Variants in RALYL observed in about 807,000 individuals in gnomAD.
RALYL encodes the protein RALY RNA binding protein like, also known as RNA-binding Raly-like protein.
A neutral mutation model predicts 35.1 loss-of-function variants in RALYL; 29 were observed. The observed-to-expected ratio is 0.83, with a 90% confidence interval of 0.61 to 1.13. The LOEUF is 1.13. RALYL is among the 50% of genes most tolerant of loss of function. RALYL has a pLI of 0.00. For missense variants in RALYL, 359 were observed against 360.4 expected, an observed-to-expected ratio of 1.00 and a Z score of 0.03; for synonymous variants, 120 against 127.6, an observed-to-expected ratio of 0.94 and a Z score of 0.40.
At chr8:84,501,338 T>G (rs573613133) in intron 1 of RALYL, among the ~76,000 whole-genome samples, 58 of 152,202 alleles carry the variant, frequency 3.8e-4, no homozygotes, top group South Asian at 1.9e-3. Flanking sequence ...CATATCTAAT[T>G]TAACTTTCCA....
Position 84,741,030 on chromosome 8 carries a change from T to A in RALYL, c.257-33549T>A, listed in dbSNP as rs1024870385. ...AAGGCAGGAAGGACAGGATGGAGGG[T>A]TTTTTAATATTGGAGGGCCAGAAGA... On this transcript the variant is annotated intron_variant, in intron 2 of 8. Transcript: ENST00000521268. Among the ~76,000 whole-genome samples, 7 of 149,916 alleles carry A rather than the reference T, an allele frequency of 4.7e-5. No homozygotes were observed. In the South Asian group the frequency reaches 6.4e-4, roughly 14 times the overall value.
chr8:84,676,947 A>C (rs2131901331), intron 2 of RALYL, among the ~76,000 whole-genome samples: 1 of 152,194 alleles, frequency 6.6e-6, no homozygotes, highest in South Asian at 2.1e-4. Context: ...GACTACAGGC[A>C]CATGCCACCA....
intron 1 of RALYL, among the ~76,000 whole-genome samples, chr8:84,222,370 C>T (rs905708069): frequency 6.6e-6 from 1 of 152,074 alleles, no homozygotes; most frequent in Non-Finnish European, 1.5e-5. Flanking sequence ...TGTAGAAATA[C>T]ATATTTAGCA....
At chr8:84,778,131 G>T (rs749986608) in intron 3 of RALYL, among the ~76,000 whole-genome samples, 10 of 152,304 alleles carry the variant, frequency 6.6e-5, no homozygotes, top group Non-Finnish European at 1.5e-4. Flanking sequence ...CGTAATGAAA[G>T]TAAGTTATTT....
chr8:84,569,425 G>A (rs1416021992), intron 2 of RALYL, among the ~76,000 whole-genome samples: 3 of 151,556 alleles, frequency 2.0e-5, no homozygotes, highest in South Asian at 2.1e-4. Flanking sequence ...AGTTTTTAAT[G>A]GGGTTCTTTA....
chr8:84,599,704 C>A (rs1006968753), intron 2 of RALYL, among the ~76,000 whole-genome samples: 1 of 152,004 alleles, frequency 6.6e-6, no homozygotes, highest in Non-Finnish European at 1.5e-5. Flanking sequence ...ATTCTTTTCA[C>A]CCTCTCCCTC....
At chr8:84,785,157 T>C (rs994504616) in intron 3 of RALYL, among the ~76,000 whole-genome samples, 18 of 152,146 alleles carry the variant, frequency 1.2e-4, no homozygotes, top group Non-Finnish European at 2.5e-4. Flanking sequence ...TTGTTTTAGA[T>C]GTAGGGGGTA....
At chr8:84,749,301 C>T (rs1298479842) in intron 2 of RALYL, among the ~76,000 whole-genome samples, 2 of 151,466 alleles carry the variant, frequency 1.3e-5, no homozygotes, top group Middle Eastern at 3.4e-3. Context: ...ACTGATCTCT[C>T]TGCCTGATAT....
At chr8:84,348,365 C>G (rs370225257) in intron 1 of RALYL, among the ~76,000 whole-genome samples, 1 of 152,174 alleles carries the variant, frequency 6.6e-6, no homozygotes, top group South Asian at 2.1e-4. Context: ...GGCTTGCATG[C>G]ACTTTTTCTG....
At chr8:84,539,942 A>G (rs978766112) in intron 2 of RALYL, among the ~76,000 whole-genome samples, 7 of 147,942 alleles carry the variant, frequency 4.7e-5, no homozygotes, top group Admixed American at 1.3e-4. Context: ...ACACACATGC[A>G]CATTTTAATT....
intron 2 of RALYL, among the ~76,000 whole-genome samples, chr8:84,739,826 A>C (rs1293044125): frequency 5.3e-5 from 8 of 152,046 alleles, no homozygotes; most frequent in East Asian, 3.9e-4. Flanking sequence ...ACTTTTATAC[A>C]AACTTTGATG....
At chr8:84,303,499 AT>A (rs1390179105) in intron 1 of RALYL, among the ~76,000 whole-genome samples, 2 of 152,182 alleles carry the variant, frequency 1.3e-5, no homozygotes, top group Admixed American at 1.3e-4. Flanking sequence ...CAGAGGTACT[AT>A]TGACTTATAC....
At chr8:84,511,406 A>G (rs373638831) in intron 1 of RALYL, among the ~76,000 whole-genome samples, 8 of 152,264 alleles carry the variant, frequency 5.3e-5, no homozygotes, top group African/African-American at 1.9e-4. Context: ...TAAGTGTTAG[A>G]ATTCTCTTAT....
intron 2 of RALYL, among the ~76,000 whole-genome samples, chr8:84,706,868 T>C (rs1299629333): frequency 2.0e-5 from 3 of 152,200 alleles, no homozygotes; most frequent in Non-Finnish European, 2.9e-5. Context: ...TTTTCTATTG[T>C]CTAAAGTAAA....
At chr8:84,208,324 T>C (rs1426646708) in intron 1 of RALYL, among the ~76,000 whole-genome samples, 1 of 152,214 alleles carries the variant, frequency 6.6e-6, no homozygotes, top group African/African-American at 2.4e-5. Context: ...GATTTTTCTT[T>C]GTGTCTAAGT....
chr8:84,773,467 G>T (rs538099518), intron 2 of RALYL, among the ~76,000 whole-genome samples: 1 of 152,012 alleles, frequency 6.6e-6, no homozygotes, highest in South Asian at 2.1e-4. Flanking sequence ...TTTTAACTTT[G>T]TTCAATCTAG....
chr8:84,236,354 A>T (rs1322634056), intron 1 of RALYL, among the ~76,000 whole-genome samples: 6 of 152,128 alleles, frequency 3.9e-5, no homozygotes, highest in African/African-American at 1.2e-4. Flanking sequence ...TGTAAGAATA[A>T]AGTATTTTTC....
intron 2 of RALYL, among the ~76,000 whole-genome samples, chr8:84,571,064 G>C (rs993126422): frequency 2.0e-5 from 3 of 151,578 alleles, no homozygotes; most frequent in Non-Finnish European, 4.4e-5. Flanking sequence ...TTGTTGAGGA[G>C]TTTTGCTTCT....
intron 2 of RALYL, among the ~76,000 whole-genome samples, chr8:84,695,384 A>G (rs1838918587): frequency 6.6e-6 from 1 of 151,792 alleles, no homozygotes; most frequent in African/African-American, 2.4e-5. Context: ...AATTCTTGTC[A>G]TATATTTATT....
Sources: allele counts gnomAD v4.1 joint callset (sites outside exome capture counted in the v4.1 genomes callset), GRCh38; gene constraint gnomAD v4.1.1; transcripts MANE v1.5; gene names NCBI Gene and HGNC (gene_info 2026-07-23, HGNC 2026-07-21).